Variants in TENM2 observed in about 807,000 individuals in gnomAD.
TENM2 encodes the protein teneurin-2.
In TENM2, 52 loss-of-function variants were observed where a neutral mutation model predicts 245.2. The observed-to-expected ratio is 0.21, with a 90% CI of 0.17 to 0.27. The LOEUF is 0.27. TENM2 is among the 10% of genes least tolerant of loss of function. The pLI is 1.00. For synonymous variants in TENM2, 1,363 were observed against 1,438.9 expected, an observed-to-expected ratio of 0.95 and a Z score of 1.19; for missense variants, 3,046 against 3,666.8, an observed-to-expected ratio of 0.83 and a Z score of 4.37.
chr5:167,909,336 T>C (rs1283041641), intron 3 of TENM2, among the ~76,000 whole-genome samples: 1 of 152,218 alleles, frequency 6.6e-6, no homozygotes, highest in African/African-American at 2.4e-5. Context: ...TGTTGCATAA[T>C]GTAATCACTT....
At chr5:167,468,677 A>G (rs1220373013) in intron 2 of TENM2, among the ~76,000 whole-genome samples, 1 of 152,208 alleles carries the variant, frequency 6.6e-6, no homozygotes, top group African/African-American at 2.4e-5. Context: ...TTATGATGGA[A>G]CCAACCATCA....
intron 13 of TENM2, among the ~76,000 whole-genome samples, chr5:168,174,556 G>T (rs796651424): frequency 2.6e-4 from 39 of 152,286 alleles, no homozygotes; most frequent in African/African-American, 9.4e-4. Flanking sequence ...AGTAGGTCTG[G>T]CAGGAAGCCC....
At chr5:167,432,329 G>A (rs576382549) in intron 2 of TENM2, among the ~76,000 whole-genome samples, 25 of 151,860 alleles carry the variant, frequency 1.6e-4, no homozygotes, top group Non-Finnish European at 3.4e-4. Context: ...GATTTCCATA[G>A]ATATAACCTT....
At chr5:168,124,801 T>C (rs775398372) in intron 10 of TENM2, 49 bp from the exon 13 acceptor site, 16 of 1,517,276 alleles carry the variant, frequency 1.1e-5, no homozygotes, top group African/African-American at 1.4e-5. Flanking sequence ...CCATCCTCCA[T>C]GGGTGATTAA....
the TENM2 span, among the ~76,000 whole-genome samples, chr5:167,107,623 A>G: frequency 6.6e-6 from 1 of 152,196 alleles, no homozygotes; most frequent in Admixed American, 6.5e-5. Context: ...TCCACTAGGT[A>G]AGAATTTTGG....
intron 1 of TENM2, among the ~76,000 whole-genome samples, chr5:167,303,971 C>T (rs1328533106): frequency 1.3e-5 from 2 of 152,104 alleles, no homozygotes; most frequent in African/African-American, 4.8e-5. Context: ...TATATAAAAT[C>T]CCCAGATTTA....
chr5:168,238,200 AGGGAGGGAGGGAGG>A lies in TENM2; in HGVS notation c.5521-6218_5521-6205del, dbSNP rs1475477767. Among the ~76,000 whole-genome samples the A allele has an allele frequency of 2.7e-5, 2 of 73,404 alleles. 1 individual carries two copies. The highest frequency in any genetic ancestry group is 8.4e-5 in the African/African-American group (2 of 23,950). 48.2% of individuals were successfully genotyped at this position (73,404 alleles called of 152,430 possible). A position where few individuals can be genotyped will look rare whatever the true frequency, so the allele number is the denominator to read the frequency against. ...GAGAGAGAGAGGGAGGGAGGGAGGG[AGGGAGGGAGGGAGG>A]GAGAGAGAAGAAAAGAAAAGAAAAG... On this transcript the variant is annotated intron_variant, in intron 25 of 28. Transcript: ENST00000518659.
intron 10 of TENM2, among the ~76,000 whole-genome samples, chr5:168,124,607 T>C (rs1238519255): frequency 1.3e-5 from 2 of 152,170 alleles, no homozygotes; most frequent in Non-Finnish European, 2.9e-5. Context: ...GAAATCCCCT[T>C]TTCGTTTCTC....
chr5:167,604,117 G>A (rs143096969), intron 2 of TENM2, among the ~76,000 whole-genome samples: 4 of 152,096 alleles, frequency 2.6e-5, no homozygotes, highest in African/African-American at 7.2e-5. Context: ...GATAAAAAGA[G>A]GTAGATGAGA....
intron 3 of TENM2, among the ~76,000 whole-genome samples, chr5:167,906,969 A>G (rs971558488): frequency 5.9e-5 from 9 of 152,190 alleles, no homozygotes; most frequent in African/African-American, 2.2e-4. Flanking sequence ...GCAGTGGCTC[A>G]CGCCTGTAAT....
chr5:167,862,325 C>T (rs1448757230), intron 2 of TENM2, among the ~76,000 whole-genome samples: 16 of 151,908 alleles, frequency 1.1e-4, no homozygotes, highest in African/African-American at 3.6e-4. Flanking sequence ...TGTTGGGAGC[C>T]GAACTAAAAC....
chr5:167,397,063 T>G (rs912515307), intron 2 of TENM2, among the ~76,000 whole-genome samples: 2 of 151,754 alleles, frequency 1.3e-5, no homozygotes, highest in African/African-American at 2.4e-5. Context: ...ATAAAAAGAG[T>G]CAAGATGTCC....
At chr5:168,204,261 C>T (rs1327540323) in intron 18 of TENM2, 111 bp from the exon 21 acceptor site, 2 of 1,200,710 alleles carry the variant, frequency 1.7e-6, no homozygotes, top group East Asian at 2.6e-5. Context: ...TGGAGAGCTC[C>T]CCGAGCACTG....
At chr5:167,961,666 G>C (rs543984725) in intron 4 of TENM2, among the ~76,000 whole-genome samples, 1 of 152,180 alleles carries the variant, frequency 6.6e-6, no homozygotes. Context: ...ACTCAAGCCT[G>C]AAAACAATCC....
At chr5:167,183,327 A>G in the TENM2 span, among the ~76,000 whole-genome samples, 1 of 152,172 alleles carries the variant, frequency 6.6e-6, no homozygotes, top group Non-Finnish European at 1.5e-5. Flanking sequence ...TGCAAATCTG[A>G]TATGTATAGT....
intron 1 of TENM2, among the ~76,000 whole-genome samples, chr5:167,351,173 T>A (rs1758887629): frequency 6.7e-6 from 1 of 149,086 alleles, no homozygotes; most frequent in Non-Finnish European, 1.5e-5. Flanking sequence ...ATGGGATATA[T>A]ACATATGGGA....
At chr5:167,541,732 GAT>G (rs1401182921) in intron 2 of TENM2, among the ~76,000 whole-genome samples, 3 of 152,116 alleles carry the variant, frequency 2.0e-5, no homozygotes, top group Non-Finnish European at 4.4e-5. Context: ...ATGTATCTCT[GAT>G]ACCTCCAAGG....
At chr5:167,690,830 C>T (rs935808478) in intron 2 of TENM2, among the ~76,000 whole-genome samples, 2 of 151,980 alleles carry the variant, frequency 1.3e-5, no homozygotes, top group African/African-American at 2.4e-5. Flanking sequence ...ATTACACACA[C>T]GCAATCACAC....
chr5:168,034,699 A>T (rs1292323480), intron 5 of TENM2, among the ~76,000 whole-genome samples: 1 of 152,212 alleles, frequency 6.6e-6, no homozygotes, highest in Non-Finnish European at 1.5e-5. Flanking sequence ...TGAGCCAAGG[A>T]GACAGACAGC....
Sources: gnomAD v4.1 joint callset for allele counts (sites outside exome capture counted in the v4.1 genomes callset) on GRCh38, gnomAD v4.1.1 for gene constraint, MANE v1.5 for transcripts, NCBI Gene and HGNC (gene_info 2026-07-23, HGNC 2026-07-21) for gene names.